TNFRSF8: variants seen among roughly 807,000 people sequenced by gnomAD.
The protein encoded by TNFRSF8 is TNF receptor superfamily member 8.
Under a neutral mutation model 70.8 loss-of-function variants are expected in TNFRSF8, and 26 were observed. The ratio of observed to expected loss-of-function variants is 0.37; its 90% CI spans 0.27 to 0.51. The LOEUF is 0.51. Among genes scored for constraint, TNFRSF8 ranks in the 20% least tolerant of loss-of-function variants. The pLI is 0.94. For missense variants in TNFRSF8, 720 were observed against 807.9 expected, an observed-to-expected ratio of 0.89 and a Z score of 1.32; for synonymous variants, 356 against 339.2, an observed-to-expected ratio of 1.05 and a Z score of -0.54.
At chr1:12,071,846 T>A (rs533222617) in intron 1 of TNFRSF8, among the ~76,000 whole-genome samples, 2 of 151,984 alleles carry the variant, frequency 1.3e-5, no homozygotes, top group African/African-American at 4.8e-5. Flanking sequence ...TACAAGCACG[T>A]GCCACCATGC....
rs763262140 is a variant in TNFRSF8 at position 12,104,523 on chromosome 1, A to C, written c.413A>C (p.Lys138Thr). 6 of 1,614,064 alleles carry C rather than the reference A, an allele frequency of 3.7e-6. No individual in the cohort carries two copies. The highest frequency in any genetic ancestry group is 5.1e-6 in the Non-Finnish European group (6 of 1,180,036). Residue 138 changes from lysine to threonine, a missense_variant, in exon 4 of 15, where the codon AAG becomes ACG. Physicochemically the swap from Lys to Thr is moderately conservative, Grantham distance 78. Transcript: ENST00000263932. ...GTCTGTCCGGCAGGGATGATTGTCA[A>C]GTTCCCAGGTCAGTGTCCCCACCCT... ...HSVCPAGMIV[K>T]FPGTAQKNTV...
intron 4 of TNFRSF8, among the ~76,000 whole-genome samples, chr1:12,107,373 C>T (rs917971544): frequency 2.7e-5 from 4 of 150,202 alleles, no homozygotes; most frequent in African/African-American, 7.4e-5. Context: ...CCAACCTGGG[C>T]GACAGAGTTA....
rs199941905 is a variant in TNFRSF8 at position 12,108,074 on chromosome 1, A to ATTTTTTTTTTTTTTTTTT, written c.422-1485_422-1484insTTTTTTTTTTTTTTTTTT. Among the ~76,000 whole-genome samples, 148 of 146,128 alleles carry ATTTTTTTTTTTTTTTTTT rather than the reference A, an allele frequency of 1.0e-3. 2 individuals are homozygous for ATTTTTTTTTTTTTTTTTT. Among genetic ancestry groups the ATTTTTTTTTTTTTTTTTT allele is most frequent in the South Asian group, 1.3e-3 (6 of 4,524 alleles). ...CGAAGTCCCACACATACAGGCCACC[A>ATTTTTTTTTTTTTTTTTT]TTTTTTTATTTTTTTTTTTTTTGTG... On this transcript the variant is annotated intron_variant, in intron 4 of 14. Transcript: ENST00000263932. The surrounding 1 kb of genome is among the most constrained non-coding windows in gnomAD (Gnocchi z 4.0).
intron 1 of TNFRSF8, among the ~76,000 whole-genome samples, chr1:12,069,155 G>T (rs1214163021): frequency 7.1e-6 from 1 of 141,024 alleles, no homozygotes; most frequent in Non-Finnish European, 1.5e-5. Context: ...ACAGGCATGA[G>T]CCACTGCACC....
intron 2 of TNFRSF8, among the ~76,000 whole-genome samples, chr1:12,086,589 A>G (rs1486948730): frequency 6.7e-6 from 1 of 148,638 alleles, no homozygotes; most frequent in African/African-American, 2.5e-5. Flanking sequence ...CTATCCATCC[A>G]TCCATCTGTA....
rs1348531605 is a variant in TNFRSF8 at position 12,088,025 on chromosome 1, C to A, written c.151+3474C>A. 6.6e-6 allele frequency among the ~76,000 whole-genome samples: 1 copy of A among 152,138 alleles called. No homozygotes were observed. The highest frequency in any genetic ancestry group is 2.4e-5 in the African/African-American group (1 of 41,434). Reference sequence around the variant, plus strand: ...CTTCTTTGATCTCTCGGGGAAATTTCTTGACATTTTGCCTGCCCTGTGCAG... The same window carrying A: ...CTTCTTTGATCTCTCGGGGAAATTTATTGACATTTTGCCTGCCCTGTGCAG... On this transcript the variant is annotated intron_variant, in intron 2 of 14. Coordinates refer to ENST00000263932, the MANE Select transcript of TNFRSF8 (RefSeq NM_001243.5). The surrounding 1 kb of genome is among the most constrained non-coding windows in gnomAD (Gnocchi z 4.0).
intron 1 of TNFRSF8, among the ~76,000 whole-genome samples, chr1:12,071,515 C>CT (rs1640844997): frequency 6.6e-6 from 1 of 152,136 alleles, no homozygotes; most frequent in African/African-American, 2.4e-5. Context: ...TGTTTCCTTG[C>CT]TTTTTTCCAG....
At chr1:12,098,854 A>G (rs1438680718) in intron 3 of TNFRSF8, among the ~76,000 whole-genome samples, 1 of 152,126 alleles carries the variant, frequency 6.6e-6, no homozygotes, top group African/African-American at 2.4e-5. Context: ...TATTTTTCCC[A>G]CCTCCTCATC....
rs1481020502 is a variant in TNFRSF8 at position 12,088,954 on chromosome 1, T to C, written c.151+4403T>C. ...TGGGCTCCCCTGTGCCCTCTGACAC[T>C]GTCCCAGCAGAGCCCCCTCACAGCA... is the stretch of plus-strand genomic sequence containing the variant. On this transcript the variant is annotated intron_variant, in intron 2 of 14. Transcript: ENST00000263932. This position sits in a 1 kb window ranked among gnomAD's most constrained non-coding sequence, Gnocchi z 4.0. Among the ~76,000 whole-genome samples the C allele has an allele frequency of 1.3e-5, 2 of 149,386 alleles. No homozygotes were observed. Among genetic ancestry groups the C allele is most frequent in the South Asian group, 2.2e-4 (1 of 4,530 alleles).
rs562958878 is a variant in TNFRSF8 at position 12,125,789 on chromosome 1, G to A, written c.1154-162G>A. On this transcript the variant is annotated intron_variant, in intron 10 of 14. Transcript: ENST00000263932. ...GTTGATCAGCTTCCTGGAGCCAGGC[G>A]AGGGAGGGCTGGATGAGATAAGAGC... 6.9e-5 allele frequency: 47 copies of A among 685,492 alleles called. No homozygotes were observed. In the East Asian group the frequency reaches 9.3e-4, roughly 14 times the overall value. The allele number at this position is 685,492 out of a possible 1,614,324, so 42.5% of individuals were successfully genotyped here.
intron 6 of TNFRSF8, among the ~76,000 whole-genome samples, chr1:12,111,322 C>T (rs927255286): frequency 6.6e-6 from 1 of 152,092 alleles, no homozygotes; most frequent in Non-Finnish European, 1.5e-5. Flanking sequence ...GCTGGGATTA[C>T]AGGCGCCTGC....
chr1:12,105,482 G>T (rs1641503754), intron 4 of TNFRSF8, among the ~76,000 whole-genome samples: 1 of 151,034 alleles, frequency 6.6e-6, no homozygotes, highest in South Asian at 2.1e-4. Flanking sequence ...AGCCCCCATG[G>T]CAGACAGCCA....
chr1:12,090,218 T>C (rs1435406855), intron 2 of TNFRSF8, among the ~76,000 whole-genome samples: 5 of 116,040 alleles, frequency 4.3e-5, no homozygotes, highest in African/African-American at 3.5e-5. Context: ...CACCCATCTA[T>C]CCACCCATCC....
At position 12,142,380 on chromosome 1, in the gene TNFRSF8, C is replaced by T. The variant is rs975730559; in HGVS notation, c.1637C>T (p.Pro546Leu). 4 of 1,611,730 alleles carry T rather than the reference C, an allele frequency of 2.5e-6. No individual in the cohort carries two copies. Among genetic ancestry groups the T allele is most frequent in the African/African-American group, 1.3e-5 (1 of 74,924 alleles). The change falls in exon 15 of 15, where the codon CCC becomes CTC. Residue 546 changes from proline to leucine, a missense_variant. Pro to Leu is a moderately conservative substitution (Grantham distance 98). Coordinates refer to ENST00000263932, the MANE Select transcript of TNFRSF8 (RefSeq NM_001243.5). The surrounding 1 kb of genome is among the most constrained non-coding windows in gnomAD (Gnocchi z 5.0). ...CGGGGCCTGGCGGGGCCAGCAGAGCCCGAGTTGGAGGAGGAGCTGGAGGCG... is the reference window on the plus strand; with the variant it reads ...CGGGGCCTGGCGGGGCCAGCAGAGCTCGAGTTGGAGGAGGAGCTGGAGGCG... The part of the protein sequence containing the change: ...EGRGLAGPAE[P>L]ELEEELEADH...
At chr1:12,106,486 C>G (rs1241824015) in intron 4 of TNFRSF8, among the ~76,000 whole-genome samples, 1 of 152,172 alleles carries the variant, frequency 6.6e-6, no homozygotes, top group African/African-American at 2.4e-5. Flanking sequence ...CTGTCTCCCT[C>G]CCTGGCTGGA....
At chr1:12,121,340 G>A (rs901810862) in intron 8 of TNFRSF8, among the ~76,000 whole-genome samples, 1 of 152,150 alleles carries the variant, frequency 6.6e-6, no homozygotes, top group Non-Finnish European at 1.5e-5. Flanking sequence ...TCTGAGAGGC[G>A]TCACGAACAC....
intron 1 of TNFRSF8, among the ~76,000 whole-genome samples, chr1:12,068,468 G>A (rs1029284862): frequency 2.6e-5 from 4 of 152,054 alleles, no homozygotes; most frequent in African/African-American, 4.8e-5. Flanking sequence ...GGCAGCTCTC[G>A]GCCATACCAG....
intron 12 of TNFRSF8, among the ~76,000 whole-genome samples, chr1:12,131,281 C>T (rs1642042927): frequency 6.6e-6 from 1 of 152,116 alleles, no homozygotes; most frequent in African/African-American, 2.4e-5. Context: ...AAAACCCCAT[C>T]TCTACTAAAA....
At chr1:12,133,009 C>T (rs1472712000) in intron 12 of TNFRSF8, among the ~76,000 whole-genome samples, 4 of 152,092 alleles carry the variant, frequency 2.6e-5, no homozygotes, top group Non-Finnish European at 4.4e-5. Flanking sequence ...TGAGTTTCAC[C>T]GCCAAGGAGG....
Sources: gnomAD v4.1 joint callset for allele counts (sites outside exome capture counted in the v4.1 genomes callset) on GRCh38, gnomAD v4.1.1 for gene constraint, Gnocchi (gnomAD v3.1) non-coding constraint, MANE v1.5 for transcripts, NCBI Gene and HGNC (gene_info 2026-07-23, HGNC 2026-07-21) for gene names.